WDR82: variants seen among roughly 807,000 people sequenced by gnomAD.
WDR82 encodes WD repeat-containing protein 82.
A neutral mutation model predicts 36.1 loss-of-function variants in WDR82; 8 were observed. The ratio of observed to expected loss-of-function variants is 0.22; its 90% CI spans 0.13 to 0.40. The LOEUF (loss-of-function observed/expected upper bound fraction) is 0.40. Ranked by LOEUF, WDR82 falls within the 10% of genes least tolerant of loss-of-function variation. The pLI is 1.00. For synonymous variants in WDR82, 129 were observed against 137.8 expected, an observed-to-expected ratio of 0.94 and a Z score of 0.45; for missense variants, 185 against 400.5, an observed-to-expected ratio of 0.46 and a Z score of 4.59.
At chr3:52,269,841 G>A (rs1358283372) in intron 2 of WDR82, among the ~76,000 whole-genome samples, 1 of 152,172 alleles carries the variant, frequency 6.6e-6, no homozygotes, top group Non-Finnish European at 1.5e-5. Flanking sequence ...GTTAACTTAG[G>A]ATTTATCTCG....
intron 3 of WDR82, among the ~76,000 whole-genome samples, chr3:52,265,560 G>A (rs1399910395): frequency 6.8e-6 from 1 of 147,870 alleles, no homozygotes; most frequent in Non-Finnish European, 1.5e-5. Flanking sequence ...CCAACTGGAA[G>A]TGCAACTTTT....
At chr3:52,269,158 A>C (rs1002926130) in intron 2 of WDR82, among the ~76,000 whole-genome samples, 11 of 152,192 alleles carry the variant, frequency 7.2e-5, no homozygotes, top group African/African-American at 2.7e-4. Context: ...ATGATCATCA[A>C]TAATCCACTG....
At chr3:52,259,374 T>C (rs1251864313) in intron 6 of WDR82, 108 bp from the exon 7 acceptor site, 16 of 1,147,342 alleles carry the variant, frequency 1.4e-5, no homozygotes, top group Admixed American at 2.1e-5. Context: ...CATGAAACCC[T>C]TTCCTTGTCA....
chr3:52,257,352 C>T lies in WDR82; in HGVS notation c.*138G>A. On this transcript the variant is annotated 3_prime_UTR_variant, in exon 9 of 9. Transcript: ENST00000296490. Reference sequence around the variant, plus strand: ...TATTTTCTTTTGAGCAGATGTACAGCACATCCATGGGAAGGCCATGTAAAA... The same window carrying T: ...TATTTTCTTTTGAGCAGATGTACAGTACATCCATGGGAAGGCCATGTAAAA... 8 of 1,166,770 alleles carry T rather than the reference C, an allele frequency of 6.9e-6. No individual in the cohort carries two copies. The highest frequency in any genetic ancestry group is 1.0e-5 in the Non-Finnish European group (8 of 790,102). The allele number at this position is 1,166,770 out of a possible 1,614,324, so 72.3% of individuals were successfully genotyped here. A position where few individuals can be genotyped will look rare whatever the true frequency, so the allele number is the denominator to read the frequency against.
intron 3 of WDR82, among the ~76,000 whole-genome samples, chr3:52,265,685 C>T (rs912460167): frequency 4.6e-5 from 7 of 151,092 alleles, no homozygotes; most frequent in Admixed American, 2.0e-4. Flanking sequence ...AAGCAATTCT[C>T]GTGCCTGAGC....
chr3:52,261,522 G>A, intron 3 of WDR82, 43 bp from the exon 4 acceptor site: 3 of 1,559,352 alleles, frequency 1.9e-6, no homozygotes, highest in Admixed American at 1.8e-5. Context: ...CGAAATATTA[G>A]CAAAAATTGG....
At chr3:52,271,200 T>A (rs1265253027) in intron 1 of WDR82, among the ~76,000 whole-genome samples, 1 of 152,212 alleles carries the variant, frequency 6.6e-6, no homozygotes, top group African/African-American at 2.4e-5. Flanking sequence ...CTACAACCGA[T>A]GTTTCATTTT....
In WDR82 at chr3:52,257,290, C is replaced by G. The variant is rs1168505537; in HGVS notation, c.*200G>C. On this transcript the variant is annotated 3_prime_UTR_variant, in exon 9 of 9. Transcript: ENST00000296490. ...AGCTGAGTTCCAATTGAGTCTGTTGCACCAAGAGTCCTTTTGAAGACGCTC... is the reference window on the plus strand; with the variant it reads ...AGCTGAGTTCCAATTGAGTCTGTTGGACCAAGAGTCCTTTTGAAGACGCTC... The G allele has an allele frequency of 3.0e-6, 2 of 663,636 alleles. No individual in the cohort carries two copies. Among genetic ancestry groups the G allele is most frequent in the Non-Finnish European group, 5.1e-6 (2 of 393,934 alleles). 41.1% of individuals were successfully genotyped at this position (663,636 alleles called of 1,614,324 possible). A position where few individuals can be genotyped will look rare whatever the true frequency, so the allele number is the denominator to read the frequency against.
intron 1 of WDR82, among the ~76,000 whole-genome samples, chr3:52,276,437 GA>G (rs1237284083): frequency 9.5e-5 from 13 of 136,486 alleles, no homozygotes; most frequent in Admixed American, 1.5e-4. Flanking sequence ...TCCCCCACCC[GA>G]AAAAAAAAAA....
In WDR82 at chr3:52,278,387, G is replaced by A. The variant is rs774086668; in HGVS notation, c.-26C>T. 7.5e-6 allele frequency: 11 copies of A among 1,471,438 alleles called. No individual in the cohort carries two copies. In the South Asian group the frequency reaches 1.2e-4, roughly 15 times the overall value. The allele number at this position is 1,471,438 out of a possible 1,614,324, so 91.1% of individuals were successfully genotyped here. On this transcript the variant is annotated 5_prime_UTR_variant, in exon 1 of 9. Transcript: ENST00000296490. ...GGCGGCGGCTGGGGAAGGCAGCGGC[G>A]GCGCAGGGCCGGGGCGGGGCCCGGC...
intron 3 of WDR82, among the ~76,000 whole-genome samples, chr3:52,263,159 T>A (rs748560034): frequency 3.3e-5 from 5 of 152,252 alleles, no homozygotes; most frequent in Non-Finnish European, 7.4e-5. Context: ...GCAGAACACG[T>A]TGTGGACATG....
chr3:52,266,492 C>T (rs1700108028), intron 3 of WDR82, among the ~76,000 whole-genome samples: 1 of 152,118 alleles, frequency 6.6e-6, no homozygotes, highest in African/African-American at 2.4e-5. Context: ...AGCTGGAGTG[C>T]AGTGGCGCGA....
chr3:52,264,933 C>A (rs1205358783), intron 3 of WDR82, among the ~76,000 whole-genome samples: 3 of 152,006 alleles, frequency 2.0e-5, no homozygotes, highest in Admixed American at 6.6e-5. Context: ...TGATAACAGG[C>A]CTTAACCACC....
chr3:52,258,707 C>T (rs771895676), intron 7 of WDR82, 29 bp from the exon 8 acceptor site: 1 of 1,613,772 alleles, frequency 6.2e-7, no homozygotes, highest in Non-Finnish European at 8.5e-7. Context: ...GAAAATGTAA[C>T]AGCTCAAGGC....
intron 1 of WDR82, among the ~76,000 whole-genome samples, chr3:52,274,713 G>A (rs1439267077): frequency 6.6e-6 from 1 of 152,068 alleles, no homozygotes; most frequent in East Asian, 1.9e-4. Flanking sequence ...GACCAACATG[G>A]CCAACATTGT....
At chr3:52,259,997 CCA>C in intron 5 of WDR82, 125 bp from the exon 6 acceptor site, 1 of 1,220,742 alleles carries the variant, frequency 8.2e-7, no homozygotes, top group Non-Finnish European at 1.1e-6. Context: ...TACTTCTCTG[CCA>C]CTCTCTAATA....
At chr3:52,259,317 A>C in intron 6 of WDR82, 51 bp from the exon 7 acceptor site, 3 of 1,568,662 alleles carry the variant, frequency 1.9e-6, no homozygotes, top group Non-Finnish European at 2.6e-6. Context: ...ATTAATAAAA[A>C]CAGCTGCCTA....
chr3:52,263,827 AAG>A (rs1366455816), intron 3 of WDR82, among the ~76,000 whole-genome samples: 1 of 152,222 alleles, frequency 6.6e-6, no homozygotes, highest in Non-Finnish European at 1.5e-5. Context: ...GAGTATTAGA[AAG>A]AGTATTGGAC....
chr3:52,266,321 C>T (rs923934216), intron 3 of WDR82, among the ~76,000 whole-genome samples: 7 of 151,978 alleles, frequency 4.6e-5, no homozygotes, highest in African/African-American at 1.7e-4. Context: ...ATTTTTACTA[C>T]ATAAGTTTTC....
Sources: allele counts gnomAD v4.1 joint callset (sites outside exome capture counted in the v4.1 genomes callset), GRCh38; gene constraint gnomAD v4.1.1; transcripts MANE v1.5; gene names NCBI Gene and HGNC (gene_info 2026-07-23, HGNC 2026-07-21).